The following GOLGA2 variants were observed in gnomAD, a reference collection of about 807,000 sequenced individuals.
The protein encoded by GOLGA2 is golgin A2, also known as golgin subfamily A member 2.
A neutral mutation model predicts 148.8 loss-of-function variants in GOLGA2; 49 were observed. The ratio of observed to expected loss-of-function variants is 0.33; its 90% CI spans 0.26 to 0.42. The LOEUF is 0.42. Ranked by LOEUF, GOLGA2 falls within the 10% of genes least tolerant of loss-of-function variation. The pLI, the probability that GOLGA2 is intolerant of heterozygous loss-of-function variation, is 1.00. For synonymous variants in GOLGA2, 501 were observed against 511.8 expected (o/e 0.98, Z 0.28); for missense variants, 1,178 against 1,304.6 (o/e 0.90, Z 1.49).
rs567698887 is a variant in GOLGA2 at position 128,273,834 on chromosome 9, G to A, written c.207+16C>T. Reference sequence around the variant, plus strand: ...TGGGCCCCCTGTCCCCAGGAGCCTGGCCATCCAAGACTCACATCCTCAGGT... The same window carrying A: ...TGGGCCCCCTGTCCCCAGGAGCCTGACCATCCAAGACTCACATCCTCAGGT... On this transcript the variant is annotated intron_variant, in intron 2 of 26. Coordinates refer to ENST00000611957, the MANE Select transcript of GOLGA2 (RefSeq NM_001366244.2). The A allele has an allele frequency of 8.7e-6, 14 of 1,613,518 alleles. No homozygotes were observed. Among genetic ancestry groups the A allele is most frequent in the Admixed American group, 1.7e-5 (1 of 59,994 alleles).
chr9:128,260,235 C>T lies in GOLGA2; in HGVS notation c.1759-46G>A. The T allele has an allele frequency of 6.9e-7, 1 of 1,449,012 alleles. No individual in the cohort carries two copies. Among genetic ancestry groups the T allele is most frequent in the Non-Finnish European group, 9.6e-7 (1 of 1,040,632 alleles). The allele number at this position is 1,449,012 out of a possible 1,614,324, so 89.8% of individuals were successfully genotyped here. On this transcript the variant is annotated intron_variant, in intron 18 of 26. Coordinates refer to ENST00000611957, the MANE Select transcript of GOLGA2 (RefSeq NM_001366244.2). This position sits in a 1 kb window ranked among gnomAD's most constrained non-coding sequence, Gnocchi z 4.8. Reference sequence around the variant, plus strand: ...AGCGGCCACCCACTGCAGCTGGAGACCCCAGAACTTGCTGCCTTGGTGTCT... The same window carrying T: ...AGCGGCCACCCACTGCAGCTGGAGATCCCAGAACTTGCTGCCTTGGTGTCT...
intron 3 of GOLGA2, among the ~76,000 whole-genome samples, chr9:128,270,905 G>T (rs951605671): frequency 6.6e-6 from 1 of 152,050 alleles, no homozygotes. Flanking sequence ...AAAAATGGCC[G>T]GGCGTGATGG....
At position 128,266,125 on chromosome 9, in the gene GOLGA2, T is replaced by C; in HGVS notation, c.682-105A>G. ...CAATGTCCCAGGACAGGCCCACCCA[T>C]GGGACCAGGTTATCAGGGACCCTGT... On this transcript the variant is annotated intron_variant, in intron 9 of 26. Transcript: ENST00000611957. This position sits in a 1 kb window ranked among gnomAD's most constrained non-coding sequence, Gnocchi z 4.2. The C allele has an allele frequency of 1.5e-6, 2 of 1,375,732 alleles. No individual in the cohort carries two copies. The highest frequency in any genetic ancestry group is 2.1e-6 in the Non-Finnish European group (2 of 962,980). The allele number at this position is 1,375,732 out of a possible 1,614,324, so 85.2% of individuals were successfully genotyped here. A position where few individuals can be genotyped will look rare whatever the true frequency, so the allele number is the denominator to read the frequency against.
intron 3 of GOLGA2, 136 bp downstream of exon 3, chr9:128,272,649 G>A (rs561004152): frequency 1.7e-4 from 37 of 217,758 alleles, no homozygotes; most frequent in Non-Finnish European, 2.9e-4. Context: ...GTGAAGAAGC[G>A]GACATAAACA....
chr9:128,258,622 G>A lies in GOLGA2; in HGVS notation c.2174-52C>T, dbSNP rs1187396479. 7.7e-7 allele frequency: 1 copy of A among 1,303,400 alleles called. No individual in the cohort carries two copies. Among genetic ancestry groups the A allele is most frequent in the Non-Finnish European group, 1.1e-6 (1 of 932,038 alleles). 80.7% of individuals were successfully genotyped at this position (1,303,400 alleles called of 1,614,324 possible). On this transcript the variant is annotated intron_variant, in intron 21 of 26. Transcript: ENST00000611957. The surrounding 1 kb of genome is among the most constrained non-coding windows in gnomAD (Gnocchi z 6.6). ...AGACAACCCAACAAGGGTACAGTGG[G>A]CCCACCTCTGCCCCCACCCTCACTG...
rs766103252 is a variant in GOLGA2 at position 128,268,569 on chromosome 9, G to T, written c.289-45C>A. On this transcript the variant is annotated intron_variant, in intron 3 of 26. Coordinates refer to ENST00000611957, the MANE Select transcript of GOLGA2 (RefSeq NM_001366244.2). ...GGGGTTAGGGGGCCATGCGGGAGAG[G>T]TGCCTCAGTACTATGAACACAAGGG... 4.9e-6 allele frequency: 5 copies of T among 1,017,244 alleles called. No individual in the cohort carries two copies. In the East Asian group the frequency reaches 1.2e-4, roughly 25 times the overall value. 63.0% of individuals were successfully genotyped at this position (1,017,244 alleles called of 1,614,324 possible). A position where few individuals can be genotyped will look rare whatever the true frequency, so the allele number is the denominator to read the frequency against.
chr9:128,275,820 G>A, intron 1 of GOLGA2, 73 bp downstream of exon 1: 2 of 797,222 alleles, frequency 2.5e-6, no homozygotes, highest in South Asian at 1.7e-5. Flanking sequence ...GAGTGGCAGA[G>A]ACTCTGGCCA....
In GOLGA2 at chr9:128,257,670, C is replaced by A. The variant is rs1348256061; in HGVS notation, c.2649G>T (p.Val883=). The change falls in exon 25 of 27, where the codon GTG becomes GTT. Residue 883 remains valine (V), a synonymous_variant. Transcript: ENST00000611957. This position sits in a 1 kb window ranked among gnomAD's most constrained non-coding sequence, Gnocchi z 8.0. ...YIALYQSQRA[V]LKERHREKEE... ...CCTTCTCCCGGTGCCGCTCCTTCAG[C>A]ACTGCCCTCTGGCTCTGGTACAGTG... is the stretch of plus-strand genomic sequence containing the variant. 6.2e-7 allele frequency: 1 copy of A among 1,614,198 alleles called. No individual in the cohort carries two copies.
At chr9:128,259,987 C>T in intron 19 of GOLGA2, 89 bp downstream of exon 19, 2 of 897,580 alleles carry the variant, frequency 2.2e-6, no homozygotes, top group Non-Finnish European at 3.7e-6. Flanking sequence ...TCACCTGTGC[C>T]CCAGGCTGGA....
At position 128,258,905 on chromosome 9, in the gene GOLGA2, C is replaced by T; in HGVS notation, c.2173+102G>A. The T allele has an allele frequency of 4.7e-6, 4 of 843,508 alleles. No homozygotes were observed. In the South Asian group the frequency reaches 5.7e-5, roughly 12 times the overall value. 52.3% of individuals were successfully genotyped at this position (843,508 alleles called of 1,614,324 possible). A position where few individuals can be genotyped will look rare whatever the true frequency, so the allele number is the denominator to read the frequency against. On this transcript the variant is annotated intron_variant, in intron 21 of 26. Coordinates refer to ENST00000611957, the MANE Select transcript of GOLGA2 (RefSeq NM_001366244.2). The surrounding 1 kb of genome is among the most constrained non-coding windows in gnomAD (Gnocchi z 6.6). ...GTGGACACCCAGTTGGCATAATGAC[C>T]AGCTGTTCTAAAGGTCTCTTCCAAC...
chr9:128,261,662 C>T lies in GOLGA2; in HGVS notation c.1224+6G>A, dbSNP rs756644730. ...CCTTCTACATCCCTCCCCTGCAAAG[C>T]CTCACCTGCCCCAGGTGTGCTTCCA... On this transcript the variant is annotated splice_donor_region_variant and intron_variant, in intron 15 of 26. Coordinates refer to ENST00000611957, the MANE Select transcript of GOLGA2 (RefSeq NM_001366244.2). This position sits in a 1 kb window ranked among gnomAD's most constrained non-coding sequence, Gnocchi z 5.7. 6 of 1,600,586 alleles carry T rather than the reference C, an allele frequency of 3.7e-6. No individual in the cohort carries two copies. The highest frequency in any genetic ancestry group is 5.1e-6 in the Non-Finnish European group (6 of 1,167,630).
chr9:128,264,259 G>A (rs773035220), intron 12 of GOLGA2, among the ~76,000 whole-genome samples: 4 of 151,214 alleles, frequency 2.6e-5, no homozygotes, highest in Non-Finnish European at 4.4e-5. Flanking sequence ...ATTTGAGATG[G>A]AGTCTCCATC....
intron 3 of GOLGA2, among the ~76,000 whole-genome samples, chr9:128,269,017 A>G (rs1830773882): frequency 6.6e-6 from 1 of 151,672 alleles, no homozygotes; most frequent in Admixed American, 6.6e-5. Flanking sequence ...TCTCCCCTGC[A>G]GTGGCACAAT....
Position 128,255,844 on chromosome 9 carries a change from T to G in GOLGA2, c.*1223A>C, listed in dbSNP as rs1829827029. 1 of 152,418 alleles carries G rather than the reference T, an allele frequency of 6.6e-6. No homozygotes were observed. The highest frequency in any genetic ancestry group is 1.5e-5 in the Non-Finnish European group (1 of 68,076). The allele number at this position is 152,418 out of a possible 1,614,324, so 9.4% of individuals were successfully genotyped here. On this transcript the variant is annotated 3_prime_UTR_variant, in exon 27 of 27. Coordinates refer to ENST00000611957, the MANE Select transcript of GOLGA2 (RefSeq NM_001366244.2). ...GGCAGAGCAGTATGGCTAAATCCAT[T>G]TATTCCGAAATAAAAAGCAAAATAA...
At chr9:128,267,401 G>A (rs1363338919) in intron 7 of GOLGA2, 57 bp downstream of exon 7, 45 of 1,502,046 alleles carry the variant, frequency 3.0e-5, no homozygotes, top group Non-Finnish European at 4.0e-5. Context: ...CCCGCTGTGG[G>A]AGGAGGTTGG....
rs1022473268 is a variant in GOLGA2 at position 128,256,776 on chromosome 9, G to A, written c.*291C>T. On this transcript the variant is annotated 3_prime_UTR_variant, in exon 27 of 27. Transcript: ENST00000611957. ...CCAAAAGTGCTGGGATTACAGGCGT[G>A]AGCCACTGCACCTGGCCTTTTTTCA... 4.7e-6 allele frequency: 1 copy of A among 211,342 alleles called. No homozygotes were observed. The highest frequency in any genetic ancestry group is 9.4e-6 in the Non-Finnish European group (1 of 106,600). 13.1% of individuals were successfully genotyped at this position (211,342 alleles called of 1,614,324 possible). A position where few individuals can be genotyped will look rare whatever the true frequency, so the allele number is the denominator to read the frequency against.
In GOLGA2 at chr9:128,261,439, AG is replaced by A. The variant is rs1564364365; in HGVS notation, c.1332+14del. ...CTATCTAAGGTTGAGGGGGAGCTGA[AG>A]GGTCAGGTCTCACCTGCTCTGACAT... On this transcript the variant is annotated intron_variant, in intron 16 of 26. Coordinates refer to ENST00000611957, the MANE Select transcript of GOLGA2 (RefSeq NM_001366244.2). This position sits in a 1 kb window ranked among gnomAD's most constrained non-coding sequence, Gnocchi z 5.7. The A allele has an allele frequency of 6.9e-7, 1 of 1,449,936 alleles. No individual in the cohort carries two copies. Among genetic ancestry groups the A allele is most frequent in the Non-Finnish European group, 9.7e-7 (1 of 1,029,938 alleles). The allele number at this position is 1,449,936 out of a possible 1,614,324, so 89.8% of individuals were successfully genotyped here.
At chr9:128,259,424 G>T in intron 19 of GOLGA2, 33 bp from the exon 20 acceptor site, 1 of 1,377,132 alleles carries the variant, frequency 7.3e-7, no homozygotes, top group Non-Finnish European at 1.0e-6. Context: ...AGGGCAGGTG[G>T]TGGCCTGCTT....
chr9:128,262,962 AC>A lies in GOLGA2; in HGVS notation c.992+71del, dbSNP rs1489333146. ...TGACTACCTCATCATGCTTACCTGT[AC>A]CCCCCACCTCCCAGCACACCACCCA... On this transcript the variant is annotated intron_variant, in intron 13 of 26. Coordinates refer to ENST00000611957, the MANE Select transcript of GOLGA2 (RefSeq NM_001366244.2). The A allele has an allele frequency of 1.2e-5, 12 of 1,024,454 alleles. No individual in the cohort carries two copies. In the East Asian group the frequency reaches 1.4e-4, roughly 12 times the overall value. The allele number at this position is 1,024,454 out of a possible 1,614,324, so 63.5% of individuals were successfully genotyped here.
Sources: gnomAD v4.1 joint callset for allele counts (sites outside exome capture counted in the v4.1 genomes callset) on GRCh38, gnomAD v4.1.1 for gene constraint, Gnocchi (gnomAD v3.1) non-coding constraint, MANE v1.5 for transcripts, NCBI Gene and HGNC (gene_info 2026-07-23, HGNC 2026-07-21) for gene names.